Variants in GRM7 observed in about 807,000 individuals in gnomAD.
The protein encoded by GRM7 is metabotropic glutamate receptor 7.
Under a neutral mutation model 84.5 loss-of-function variants are expected in GRM7, and 35 were observed. The observed-to-expected ratio is 0.41, with a 90% CI of 0.32 to 0.55. The LOEUF (loss-of-function observed/expected upper bound fraction) is 0.55, where lower values mean the gene tolerates loss of function less well. Ranked by LOEUF, GRM7 falls within the 20% of genes least tolerant of loss-of-function variation. The probability of loss-of-function intolerance (pLI) is 0.19; values close to 1 mark genes in which losing one functional copy is unlikely to be tolerated. For synonymous variants in GRM7, 487 were observed against 455.1 expected, an observed-to-expected ratio of 1.07 and a Z score of -0.89; for missense variants, 1,003 against 1,194.6, an observed-to-expected ratio of 0.84 and a Z score of 2.36.
chr3:7,699,239 C>G (rs997772253), intron 9 of GRM7, among the ~76,000 whole-genome samples: 11 of 152,094 alleles, frequency 7.2e-5, no homozygotes, highest in African/African-American at 2.2e-4. Context: ...ACCTAGTTTT[C>G]TGAAAAAGCT....
intron 5 of GRM7, among the ~76,000 whole-genome samples, chr3:7,438,428 C>G (rs1697148089): frequency 6.6e-6 from 1 of 151,824 alleles, no homozygotes; most frequent in Non-Finnish European, 1.5e-5. Flanking sequence ...AGTGAGAATC[C>G]AAGCAGAAAT....
rs144890241 is a variant in GRM7, at chr3:7,104,600, T to G, written c.520-41852T>G. 4.6e-3 allele frequency among the ~76,000 whole-genome samples: 695 copies of G among 151,706 alleles called. 6 individuals are homozygous for G. The highest frequency in any genetic ancestry group is 0.016 in the African/African-American group (658 of 41,464). ...TATCTCTAGCAAAAGTAATTGCCAGTTTTTTTTGTTAAACATTTTTGATGT... is the reference window on the plus strand; with the variant it reads ...TATCTCTAGCAAAAGTAATTGCCAGGTTTTTTTGTTAAACATTTTTGATGT... On this transcript the variant is annotated intron_variant, in intron 1 of 9. Transcript: ENST00000357716.
chr3:6,927,030 C>A (rs1166244927), intron 1 of GRM7, among the ~76,000 whole-genome samples: 1 of 152,106 alleles, frequency 6.6e-6, no homozygotes, highest in Admixed American at 6.5e-5. Context: ...CTGTGTTAAG[C>A]AAAATTTGAC....
chr3:6,891,366 G>T (rs1415637270), intron 1 of GRM7, among the ~76,000 whole-genome samples: 1 of 152,182 alleles, frequency 6.6e-6, no homozygotes, highest in Non-Finnish European at 1.5e-5. Context: ...TGCAGTGGCT[G>T]GTACCGGTTG....
chr3:7,022,931 C>G (rs1164802680), intron 1 of GRM7, among the ~76,000 whole-genome samples: 1 of 152,046 alleles, frequency 6.6e-6, no homozygotes, highest in Non-Finnish European at 1.5e-5. Context: ...TCCAATAACC[C>G]AGTGTATTAT....
At chr3:7,403,655 A>ATG (rs1695549441) in intron 4 of GRM7, among the ~76,000 whole-genome samples, 2 of 146,146 alleles carry the variant, frequency 1.4e-5, no homozygotes, top group South Asian at 4.3e-4. Flanking sequence ...ATATATGTAC[A>ATG]TACACACACA....
chr3:7,585,691 C>G (rs922518895), intron 8 of GRM7, among the ~76,000 whole-genome samples: 1 of 152,164 alleles, frequency 6.6e-6, no homozygotes, highest in Non-Finnish European at 1.5e-5. Context: ...GTGTCTTGCG[C>G]TTTGAGACCT....
chr3:7,263,486 C>T (rs1366102055), intron 2 of GRM7, among the ~76,000 whole-genome samples: 1 of 152,114 alleles, frequency 6.6e-6, no homozygotes, highest in Admixed American at 6.5e-5. Context: ...GATGTGGTGC[C>T]AGCCTCTGTG....
intron 1 of GRM7, among the ~76,000 whole-genome samples, chr3:6,982,492 T>G (rs1043448786): frequency 1.3e-4 from 20 of 152,226 alleles, no homozygotes; most frequent in African/African-American, 4.8e-4. Flanking sequence ...ATAGGTATTT[T>G]TTCTGATATT....
At chr3:6,996,584 G>A (rs1486719719) in intron 1 of GRM7, among the ~76,000 whole-genome samples, 12 of 152,038 alleles carry the variant, frequency 7.9e-5, no homozygotes, top group East Asian at 1.9e-4. Flanking sequence ...TGGGTAAAAC[G>A]TCACAACTTA....
chr3:7,005,180 T>A (rs201651857), intron 1 of GRM7, among the ~76,000 whole-genome samples: 1 of 152,280 alleles, frequency 6.6e-6, no homozygotes, highest in Non-Finnish European at 1.5e-5. Flanking sequence ...GTCATCATTT[T>A]CACAGCCATT....
At chr3:7,412,409 C>G (rs953343961) in intron 4 of GRM7, among the ~76,000 whole-genome samples, 1 of 152,196 alleles carries the variant, frequency 6.6e-6, no homozygotes, top group South Asian at 2.1e-4. Context: ...TCTTGACATT[C>G]TGATAGGTTT....
intron 2 of GRM7, among the ~76,000 whole-genome samples, chr3:7,154,556 G>T (rs952061680): frequency 1.3e-5 from 2 of 152,104 alleles, no homozygotes; most frequent in Admixed American, 6.6e-5. Flanking sequence ...AGAAATGACT[G>T]CCATAGGATG....
chr3:7,116,059 A>G (rs1160731160), intron 1 of GRM7, among the ~76,000 whole-genome samples: 1 of 152,180 alleles, frequency 6.6e-6, no homozygotes, highest in Non-Finnish European at 1.5e-5. Flanking sequence ...AAGATGCTCT[A>G]AATTGGGAGG....
chr3:7,169,159 A>AATC (rs1263414698), intron 2 of GRM7, among the ~76,000 whole-genome samples: 2 of 152,126 alleles, frequency 1.3e-5, no homozygotes, highest in Admixed American at 6.6e-5. Flanking sequence ...CCTAGACTGA[A>AATC]ATCATCTTGT....
At chr3:7,661,537 G>A (rs1208965377) in intron 8 of GRM7, among the ~76,000 whole-genome samples, 1 of 152,114 alleles carries the variant, frequency 6.6e-6, no homozygotes, top group Non-Finnish European at 1.5e-5. Context: ...GCTCACGCCT[G>A]TAATCCCAGC....
At position 7,151,436 on chromosome 3, in the gene GRM7, T is replaced by C. The variant is rs900074639; in HGVS notation, c.736+4768T>C. 6.6e-6 allele frequency among the ~76,000 whole-genome samples: 1 copy of C among 151,930 alleles called. No individual in the cohort carries two copies. Among genetic ancestry groups the C allele is most frequent in the East Asian group, 1.9e-4 (1 of 5,156 alleles). Reference sequence around the variant, plus strand: ...CAAACAACAAACAAACAAACAAACATACAAACAAAAACCAGAGCTAGATGG... The same window carrying C: ...CAAACAACAAACAAACAAACAAACACACAAACAAAAACCAGAGCTAGATGG... On this transcript the variant is annotated intron_variant, in intron 2 of 9. Coordinates refer to ENST00000357716, the MANE Select transcript of GRM7 (RefSeq NM_000844.4). This position sits in a 1 kb window ranked among gnomAD's most constrained non-coding sequence, Gnocchi z 4.5.
Position 7,146,521 on chromosome 3 carries a change from C to G in GRM7, c.589C>G (p.Arg197Gly). 1 of 1,614,010 alleles carries G rather than the reference C, an allele frequency of 6.2e-7. No homozygotes were observed. The highest frequency in any genetic ancestry group is 2.2e-5 in the East Asian group (1 of 44,876). The change falls in exon 2 of 10, where the codon CGC becomes GGC. Residue 197 changes from arginine (R) to glycine (G), a missense_variant. By Grantham distance (125) the Arg-to-Gly change is moderately radical (BLOSUM62 -2). Transcript: ENST00000357716. ...SDDRRYDFFS[R>G]VVPPDSFQAQ... Reference sequence around the variant, plus strand: ...TGACCGGCGCTATGACTTCTTCTCTCGCGTGGTGCCACCCGATTCCTTCCA... The same window carrying G: ...TGACCGGCGCTATGACTTCTTCTCTGGCGTGGTGCCACCCGATTCCTTCCA...
rs145702505 is a variant in GRM7, at chr3:7,578,550, C to T, written c.1644C>T (p.Cys548=). The change falls in exon 8 of 10, where the codon TGC becomes TGT. Residue 548 remains cysteine (C), a synonymous_variant. Transcript: ENST00000357716. Reference sequence around the variant, plus strand: ...CTTGCTGTTGGACCTGTGAGCCTTGCGATGGTTACCAGTACCAGTTTGATG... The same window carrying T: ...CTTGCTGTTGGACCTGTGAGCCTTGTGATGGTTACCAGTACCAGTTTGATG... The part of the protein sequence containing the change: ...GTPCCWTCEP[C]DGYQYQFDEM... 192 of 1,613,834 alleles carry T rather than the reference C, an allele frequency of 1.2e-4. No individual in the cohort carries two copies. Among genetic ancestry groups the T allele is most frequent in the Admixed American group, 1.7e-4 (10 of 59,990 alleles).
Sources: allele counts gnomAD v4.1 joint callset (sites outside exome capture counted in the v4.1 genomes callset), GRCh38; gene constraint gnomAD v4.1.1; non-coding constraint Gnocchi (gnomAD v3.1); transcripts MANE v1.5; gene names NCBI Gene and HGNC (gene_info 2026-07-23, HGNC 2026-07-21).